The following CDH18 variants were observed in gnomAD, a reference collection of about 807,000 sequenced individuals.
CDH18 encodes the protein cadherin-18.
Under a neutral mutation model 67.9 loss-of-function variants are expected in CDH18, and 31 were observed. That is an observed-to-expected ratio of 0.46 (90% confidence interval 0.34 to 0.62). CDH18 has a LOEUF of 0.62. Among genes scored for constraint, CDH18 ranks in the 20% least tolerant of loss-of-function variants. The pLI is 0.01. For missense variants in CDH18, 890 were observed against 975.5 expected, an observed-to-expected ratio of 0.91 and a Z score of 1.17; for synonymous variants, 362 against 347.2, an observed-to-expected ratio of 1.04 and a Z score of -0.48.
At chr5:19,948,657 C>G (rs1054309864) in intron 2 of CDH18, among the ~76,000 whole-genome samples, 5 of 152,054 alleles carry the variant, frequency 3.3e-5, no homozygotes, top group African/African-American at 1.2e-4. Flanking sequence ...CACGCTCACA[C>G]ACACACAAAT....
intron 2 of CDH18, among the ~76,000 whole-genome samples, chr5:19,910,812 G>C (rs1249966823): frequency 5.9e-5 from 9 of 151,818 alleles, no homozygotes; most frequent in African/African-American, 2.4e-5. Context: ...TAGGAGGTGG[G>C]GTAAAGACAT....
chr5:19,965,760 G>A (rs12658192), intron 2 of CDH18, among the ~76,000 whole-genome samples: 64,377 of 148,816 alleles, frequency 0.43, 16,042 homozygotes, highest in Middle Eastern at 0.64. Context: ...AGAGAGAGGC[G>A]GGTAGAAAGA....
intron 2 of CDH18, among the ~76,000 whole-genome samples, chr5:20,193,681 C>A (rs931763826): frequency 2.6e-5 from 4 of 152,046 alleles, no homozygotes; most frequent in African/African-American, 9.7e-5. Flanking sequence ...CCTGGATGAA[C>A]ACTGATGCCA....
chr5:19,771,649 T>A (rs997912155), intron 3 of CDH18, among the ~76,000 whole-genome samples: 2 of 152,202 alleles, frequency 1.3e-5, no homozygotes, highest in African/African-American at 4.8e-5. Flanking sequence ...GTTTGTTGTT[T>A]TAAGCCACTG....
intron 1 of CDH18, among the ~76,000 whole-genome samples, chr5:20,279,730 C>CAAAAAAAAAAAAAAAAAAAAAAAAAAAA (rs1309866477): frequency 3.0e-5 from 2 of 66,688 alleles, no homozygotes; most frequent in African/African-American, 6.4e-5. Context: ...AAAAAAAAAG[C>CAAAAAAAAAAAAAAAAAAAAAAAAAAAA]AAAAACTGTA....
chr5:20,300,251 A>G (rs556844858), intron 1 of CDH18, among the ~76,000 whole-genome samples: 1 of 152,022 alleles, frequency 6.6e-6, no homozygotes, highest in African/African-American at 2.4e-5. Context: ...TAACAGGACA[A>G]CGCAACAGGA....
chr5:20,198,301 G>T (rs536417751), intron 2 of CDH18, among the ~76,000 whole-genome samples: 1 of 152,212 alleles, frequency 6.6e-6, no homozygotes, highest in African/African-American at 2.4e-5. Flanking sequence ...GAGACTTGTT[G>T]AATGGCTTAG....
intron 8 of CDH18, among the ~76,000 whole-genome samples, chr5:19,552,677 A>C (rs1737671354): frequency 6.6e-6 from 1 of 152,212 alleles, no homozygotes; most frequent in East Asian, 1.9e-4. Flanking sequence ...TCCTAGTTAT[A>C]GATTAGAGAA....
chr5:20,493,739 T>A (rs1753731440), intron 1 of CDH18, among the ~76,000 whole-genome samples: 1 of 152,126 alleles, frequency 6.6e-6, no homozygotes, highest in African/African-American at 2.4e-5. Flanking sequence ...CAGTCATTGA[T>A]CAAGTCCTCA....
chr5:19,619,060 G>A (rs933893028), intron 5 of CDH18, among the ~76,000 whole-genome samples: 5 of 151,870 alleles, frequency 3.3e-5, no homozygotes, highest in Non-Finnish European at 7.4e-5. Flanking sequence ...TACACATTCT[G>A]AATTTTCCCA....
intron 5 of CDH18, among the ~76,000 whole-genome samples, chr5:19,635,078 G>A (rs1454467055): frequency 6.6e-6 from 1 of 152,102 alleles, no homozygotes; most frequent in African/African-American, 2.4e-5. Context: ...ATAACACAAT[G>A]TTTACACATT....
intron 5 of CDH18, among the ~76,000 whole-genome samples, chr5:19,618,097 C>A (rs933529742): frequency 2.0e-5 from 3 of 152,106 alleles, no homozygotes; most frequent in Non-Finnish European, 2.9e-5. Flanking sequence ...AACAAGCCTG[C>A]ACATTTAAAT....
chr5:20,377,017 CAAA>C (rs34122318), intron 1 of CDH18, among the ~76,000 whole-genome samples: 15 of 142,794 alleles, frequency 1.1e-4, no homozygotes, highest in Admixed American at 3.5e-4. Context: ...GACTCCGTCT[CAAA>C]AAAAAAAAAA....
intron 2 of CDH18, among the ~76,000 whole-genome samples, chr5:19,873,348 T>C (rs1232584599): frequency 6.6e-6 from 1 of 152,096 alleles, no homozygotes; most frequent in Admixed American, 6.6e-5. Context: ...CTGTGGTGGC[T>C]ACAGCAAAGG....
chr5:20,320,882 A>G (rs575234722), intron 1 of CDH18, among the ~76,000 whole-genome samples: 72 of 152,244 alleles, frequency 4.7e-4, no homozygotes, highest in Non-Finnish European at 9.3e-4. Flanking sequence ...CAGAACCTGT[A>G]CATAGTATGT....
At chr5:20,073,687 C>T (rs1475221329) in intron 2 of CDH18, among the ~76,000 whole-genome samples, 1 of 151,550 alleles carries the variant, frequency 6.6e-6, no homozygotes, top group African/African-American at 2.4e-5. Flanking sequence ...AAATATCCTT[C>T]TAATACACAG....
intron 5 of CDH18, among the ~76,000 whole-genome samples, chr5:19,650,471 A>G (rs1194051775): frequency 6.6e-6 from 1 of 152,112 alleles, no homozygotes; most frequent in Non-Finnish European, 1.5e-5. Context: ...CAAATTGAAA[A>G]GCAAAAGCTA....
At chr5:20,520,069 G>A (rs935237985) in intron 1 of CDH18, among the ~76,000 whole-genome samples, 3 of 145,874 alleles carry the variant, frequency 2.1e-5, no homozygotes, top group Non-Finnish European at 4.5e-5. Flanking sequence ...CAAAGTGCTG[G>A]GATTACAGGT....
At chr5:19,656,792 C>T (rs555040659) in intron 5 of CDH18, among the ~76,000 whole-genome samples, 6 of 151,906 alleles carry the variant, frequency 3.9e-5, no homozygotes, top group Middle Eastern at 3.4e-3. Context: ...AAAGGGTGCC[C>T]AGTGCTAGGT....
Sources: allele counts gnomAD v4.1 joint callset (sites outside exome capture counted in the v4.1 genomes callset), GRCh38; gene constraint gnomAD v4.1.1; transcripts MANE v1.5; gene names NCBI Gene and HGNC (gene_info 2026-07-23, HGNC 2026-07-21).